LYPD6B: variants seen among roughly 807,000 people sequenced by gnomAD.
The protein encoded by LYPD6B is LY6/PLAUR domain containing 6B.
LYPD6B carries 17 observed loss-of-function variants against 22.8 expected under a neutral mutation model. The ratio of observed to expected loss-of-function variants is 0.75; its 90% confidence interval spans 0.51 to 1.12. LYPD6B has a LOEUF of 1.12. LYPD6B is among the 50% of genes most tolerant of loss of function. The pLI, the probability that LYPD6B is intolerant of heterozygous loss-of-function variation, is 0.00. For missense variants in LYPD6B, 221 were observed against 258.3 expected (o/e 0.86, Z 0.99); for synonymous variants, 106 against 91.6 (o/e 1.16, Z -0.90).
chr2:149,046,976 A>C (rs2105267735), intron 1 of LYPD6B, among the ~76,000 whole-genome samples: 1 of 152,312 alleles, frequency 6.6e-6, no homozygotes, highest in South Asian at 2.1e-4. Context: ...TTCTTTACAA[A>C]TGTATTTCAA....
intron 2 of LYPD6B, among the ~76,000 whole-genome samples, chr2:149,137,436 T>C (rs1156884951): frequency 1.3e-5 from 2 of 152,200 alleles, no homozygotes; most frequent in East Asian, 1.9e-4. Context: ...TCTCTGAAAT[T>C]ATATGTACAT....
At chr2:149,053,791 G>A (rs1683669267) in intron 1 of LYPD6B, among the ~76,000 whole-genome samples, 1 of 152,100 alleles carries the variant, frequency 6.6e-6, no homozygotes, top group Non-Finnish European at 1.5e-5. Context: ...TGTCTTGATG[G>A]ATTTGCCTTT....
chr2:149,117,275 T>G (rs1574996014), intron 1 of LYPD6B, among the ~76,000 whole-genome samples: 1 of 151,990 alleles, frequency 6.6e-6, no homozygotes. Flanking sequence ...ATTCATCTTT[T>G]TTTTTTTTTG....
At chr2:149,156,171 A>G (rs421762) in intron 2 of LYPD6B, among the ~76,000 whole-genome samples, 119,722 of 151,786 alleles carry the variant, frequency 0.79, 47,468 homozygotes, top group Non-Finnish European at 0.83. Flanking sequence ...AGAAGGGTGC[A>G]GAATGGTGTC....
chr2:149,081,984 A>G (rs987440230), intron 1 of LYPD6B, among the ~76,000 whole-genome samples: 2 of 152,122 alleles, frequency 1.3e-5, no homozygotes, highest in Admixed American at 6.6e-5. Context: ...CCTGTCTTCT[A>G]TGTAGGTATT....
intron 3 of LYPD6B, among the ~76,000 whole-genome samples, chr2:149,186,029 T>C (rs530115439): frequency 6.6e-6 from 1 of 152,344 alleles, no homozygotes; most frequent in African/African-American, 2.4e-5. Context: ...ACATACACTA[T>C]TGAAATTAGT....
chr2:149,039,761 T>G (rs1249740089), intron 1 of LYPD6B, among the ~76,000 whole-genome samples: 2 of 152,154 alleles, frequency 1.3e-5, no homozygotes, highest in African/African-American at 2.4e-5. Context: ...TTAGGCTTCC[T>G]CCAGGATGCC....
chr2:149,092,895 T>G (rs1176273374), intron 1 of LYPD6B, among the ~76,000 whole-genome samples: 1 of 152,176 alleles, frequency 6.6e-6, no homozygotes, highest in African/African-American at 2.4e-5. Flanking sequence ...TGTCTTATCT[T>G]CTAAAGCCAT....
At chr2:149,120,379 A>ATTTTTTT (rs1371894805) in intron 1 of LYPD6B, among the ~76,000 whole-genome samples, 20 of 43,686 alleles carry the variant, frequency 4.6e-4, no homozygotes, top group South Asian at 1.0e-3. Context: ...ATATATATAT[A>ATTTTTTT]TATATTTTTT....
intron 5 of LYPD6B, among the ~76,000 whole-genome samples, chr2:149,212,770 C>T (rs920365480): frequency 5.9e-5 from 9 of 152,122 alleles, no homozygotes; most frequent in Admixed American, 5.2e-4. Context: ...CGCCCATTTA[C>T]GTTCATTTTC....
At chr2:149,084,212 T>G (rs943866401) in intron 1 of LYPD6B, among the ~76,000 whole-genome samples, 6 of 152,220 alleles carry the variant, frequency 3.9e-5, no homozygotes, top group Admixed American at 3.9e-4. Context: ...CAACCCTGTT[T>G]TTAAGTTTCC....
chr2:149,079,914 A>G (rs1685047452), intron 1 of LYPD6B, among the ~76,000 whole-genome samples: 1 of 152,184 alleles, frequency 6.6e-6, no homozygotes, highest in South Asian at 2.1e-4. Context: ...TCATTCCTGA[A>G]TTCTAAACTG....
At chr2:149,106,346 A>G (rs1686471751) in intron 1 of LYPD6B, among the ~76,000 whole-genome samples, 1 of 152,120 alleles carries the variant, frequency 6.6e-6, no homozygotes, top group Non-Finnish European at 1.5e-5. Context: ...GTTTATATAC[A>G]GTTGGTATTA....
At chr2:149,077,442 G>GT (rs1684927954) in intron 1 of LYPD6B, 2 of 149,538 alleles carry the variant, frequency 1.3e-5, no homozygotes. Context: ...TTTGATTTTT[G>GT]TTTTTCTTAA....
chr2:149,073,148 T>G (rs1369163515), intron 1 of LYPD6B, among the ~76,000 whole-genome samples: 1 of 152,082 alleles, frequency 6.6e-6, no homozygotes, highest in African/African-American at 2.4e-5. Flanking sequence ...TGTTTAGAGT[T>G]TTTTGAGTAG....
At chr2:149,147,352 A>G (rs752119290) in intron 2 of LYPD6B, among the ~76,000 whole-genome samples, 2 of 152,242 alleles carry the variant, frequency 1.3e-5, no homozygotes, top group Non-Finnish European at 2.9e-5. Context: ...AGAGGAGGGT[A>G]TCTCTGAAGG....
At chr2:149,098,643 A>AAAAAAAAAAAAAGAAAG (rs57783804) in intron 1 of LYPD6B, among the ~76,000 whole-genome samples, 18 of 130,978 alleles carry the variant, frequency 1.4e-4, no homozygotes, top group Admixed American at 2.4e-4. Flanking sequence ...AAAAAAAAAA[A>AAAAAAAAAAAAAGAAAG]AAAAAAGAAA....
intron 1 of LYPD6B, chr2:149,077,551 G>A (rs943932431): frequency 2.0e-5 from 3 of 152,192 alleles, no homozygotes; most frequent in Admixed American, 6.5e-5. Flanking sequence ...CAGAGTGTTT[G>A]TTTTCAGCCT....
intron 2 of LYPD6B, among the ~76,000 whole-genome samples, chr2:149,134,437 A>C (rs746822750): frequency 2.2e-4 from 34 of 152,206 alleles, no homozygotes; most frequent in Admixed American, 5.2e-4. Flanking sequence ...ACTCCAGCCT[A>C]CTAAACTCTT....
Sources: allele counts gnomAD v4.1 joint callset (sites outside exome capture counted in the v4.1 genomes callset), GRCh38; gene constraint gnomAD v4.1.1; transcripts MANE v1.5; gene names NCBI Gene and HGNC (gene_info 2026-07-23, HGNC 2026-07-21).